Variants in ARHGEF18 observed in about 807,000 individuals in gnomAD.
The protein encoded by ARHGEF18 is rho guanine nucleotide exchange factor 18.
A neutral mutation model predicts 155.7 loss-of-function variants in ARHGEF18; 93 were observed. The ratio of observed to expected loss-of-function variants is 0.60; its 90% CI spans 0.50 to 0.71. ARHGEF18 has a LOEUF of 0.71. Among genes scored for constraint, ARHGEF18 ranks in the 30% least tolerant of loss-of-function variants. ARHGEF18 has a pLI of 0.00. For missense variants in ARHGEF18, 1,593 were observed against 1,816.1 expected (o/e 0.88, Z 2.23); for synonymous variants, 742 against 753.1 (o/e 0.99, Z 0.24).
chr19:7,396,852 G>C (rs1971740516), intron 10 of ARHGEF18, among the ~76,000 whole-genome samples: 1 of 152,100 alleles, frequency 6.6e-6, no homozygotes, highest in African/African-American at 2.4e-5. Flanking sequence ...ATAAGGGTTG[G>C]TTGGGGTTTC....
rs931455856 is a variant in ARHGEF18 at position 7,472,159 on chromosome 19, C to G, written c.*1861C>G. On this transcript the variant is annotated 3_prime_UTR_variant, in exon 29 of 29. Coordinates refer to ENST00000668164, the MANE Select transcript of ARHGEF18 (RefSeq NM_001367823.1). ...TTCAAGGAATTTCTGCTCGGCCACG[C>G]GGTGGGAACCCCGCGTCCCCGCCAT... 1 of 152,340 alleles carries G rather than the reference C, an allele frequency of 6.6e-6. No homozygotes were observed. Among genetic ancestry groups the G allele is most frequent in the Non-Finnish European group, 1.5e-5 (1 of 68,048 alleles). The allele number at this position is 152,340 out of a possible 1,614,324, so 9.4% of individuals were successfully genotyped here. A position where few individuals can be genotyped will look rare whatever the true frequency, so the allele number is the denominator to read the frequency against.
chr19:7,349,603 C>T (rs537869552), intron 1 of ARHGEF18, among the ~76,000 whole-genome samples: 93 of 152,030 alleles, frequency 6.1e-4, no homozygotes, highest in African/African-American at 2.2e-3. Flanking sequence ...CATGGTGAAA[C>T]CCCGTCTCTA....
intron 1 of ARHGEF18, among the ~76,000 whole-genome samples, chr19:7,356,455 G>T (rs1040485732): frequency 6.6e-6 from 1 of 151,644 alleles, no homozygotes; most frequent in Non-Finnish European, 1.5e-5. Context: ...TATATTTTTC[G>T]TAGAGACGGG....
At chr19:7,367,851 T>C (rs1480255790) in intron 2 of ARHGEF18, among the ~76,000 whole-genome samples, 2 of 74,438 alleles carry the variant, frequency 2.7e-5, no homozygotes, top group Admixed American at 1.8e-4. Context: ...TTTATATATA[T>C]ATATACACAT....
chr19:7,451,192 A>T lies in ARHGEF18; in HGVS notation c.1781A>T (p.Glu594Val). The change falls in exon 16 of 29, where the codon GAG becomes GTG. Residue 594 changes from glutamate (E) to valine (V), a missense_variant. Physicochemically the swap from Glu to Val is moderately radical, Grantham distance 121 (BLOSUM62 -2). Coordinates refer to ENST00000668164, the MANE Select transcript of ARHGEF18 (RefSeq NM_001367823.1). ...ATCGTGCGGCGGCTTGGCGTGCAGGAGTGCATTCTCCTGGTTACACAACGC... is the reference window on the plus strand; with the variant it reads ...ATCGTGCGGCGGCTTGGCGTGCAGGTGTGCATTCTCCTGGTTACACAACGC... ...FSIVRRLGVQ[E>V]CILLVTQRIT... 2 of 1,581,740 alleles carry T rather than the reference A, an allele frequency of 1.3e-6. No individual in the cohort carries two copies. Among genetic ancestry groups the T allele is most frequent in the Non-Finnish European group, 1.7e-6 (2 of 1,167,048 alleles).
chr19:7,461,228 C>T (rs1179520067), intron 20 of ARHGEF18, among the ~76,000 whole-genome samples: 3 of 148,214 alleles, frequency 2.0e-5, no homozygotes, highest in Non-Finnish European at 4.4e-5. Context: ...GCCTGGACAA[C>T]ATGGCAAAAC....
intron 10 of ARHGEF18, chr19:7,390,746 T>C (rs1299810138): frequency 2.0e-5 from 3 of 151,736 alleles, no homozygotes; most frequent in Admixed American, 6.6e-5. Flanking sequence ...AAAATAATAA[T>C]AAATCACAGA....
At chr19:7,407,083 A>G (rs1426086283) in intron 10 of ARHGEF18, among the ~76,000 whole-genome samples, 1 of 147,660 alleles carries the variant, frequency 6.8e-6, no homozygotes, top group Non-Finnish European at 1.5e-5. Flanking sequence ...AAAAAAAAAA[A>G]GGTTATAGCC....
chr19:7,408,934 C>A (rs1451618429), intron 10 of ARHGEF18, among the ~76,000 whole-genome samples: 7 of 152,064 alleles, frequency 4.6e-5, no homozygotes, highest in African/African-American at 1.7e-4. Flanking sequence ...GTAGTGTGCA[C>A]CTATAGTCCC....
chr19:7,451,259 C>T lies in ARHGEF18; in HGVS notation c.1848C>T (p.Asn616=), dbSNP rs755716903. ...TGCTGGTGGAGCGCATCATCCAGAA[C>T]ACGGAAGGTAGGCCTTCTCCCCACT... ...YPVLVERIIQ[N]TEAGTEDYED... The change falls in exon 16 of 29, where the codon AAC becomes AAT. Residue 616 remains asparagine, a synonymous_variant. Coordinates refer to ENST00000668164, the MANE Select transcript of ARHGEF18 (RefSeq NM_001367823.1). The T allele has an allele frequency of 5.6e-6, 9 of 1,613,446 alleles. No individual in the cohort carries two copies. The East Asian group carries it at 1.3e-4, about 24-fold the overall frequency.
intron 1 of ARHGEF18, among the ~76,000 whole-genome samples, chr19:7,362,073 G>C (rs1600183112): frequency 8.6e-4 from 20 of 23,154 alleles, no homozygotes; most frequent in African/African-American, 2.3e-3. Flanking sequence ...AGGAGAAGGA[G>C]AAGGAGAAGG....
At chr19:7,419,938 C>T (rs1361891059) in intron 10 of ARHGEF18, among the ~76,000 whole-genome samples, 2 of 151,708 alleles carry the variant, frequency 1.3e-5, no homozygotes, top group Non-Finnish European at 2.9e-5. Context: ...GCCTCTGTAC[C>T]CCAGGTGTAC....
chr19:7,464,552 G>A lies in ARHGEF18; in HGVS notation c.2774-8G>A. On this transcript the variant is annotated splice_polypyrimidine_tract_variant and splice_region_variant and intron_variant, in intron 22 of 28. Coordinates refer to ENST00000668164, the MANE Select transcript of ARHGEF18 (RefSeq NM_001367823.1). ...AGCATCCTCATGCCCCTGGCTTGGG[G>A]TTCTCAGATGGCAGTTTCAAGAAGA... The A allele has an allele frequency of 6.2e-7, 1 of 1,607,406 alleles. No individual in the cohort carries two copies. The highest frequency in any genetic ancestry group is 1.1e-5 in the South Asian group (1 of 90,862).
chr19:7,443,420 C>T (rs181651063), intron 13 of ARHGEF18, among the ~76,000 whole-genome samples: 5 of 152,150 alleles, frequency 3.3e-5, no homozygotes, highest in Non-Finnish European at 5.9e-5. Flanking sequence ...AGGCTAGTCT[C>T]GAACTCCTGA....
Position 7,472,159 on chromosome 19 carries a change from C to T in ARHGEF18, c.*1861C>T, listed in dbSNP as rs931455856. The T allele has an allele frequency of 3.3e-5, 5 of 152,340 alleles. No homozygotes were observed. The highest frequency in any genetic ancestry group is 9.6e-5 in the African/African-American group (4 of 41,476). The allele number at this position is 152,340 out of a possible 1,614,324, so 9.4% of individuals were successfully genotyped here. On this transcript the variant is annotated 3_prime_UTR_variant, in exon 29 of 29. Transcript: ENST00000668164. ...TTCAAGGAATTTCTGCTCGGCCACG[C>T]GGTGGGAACCCCGCGTCCCCGCCAT...
chr19:7,473,280 C>CA (rs1221066112), downstream of ARHGEF18: 4 of 454,986 alleles, frequency 8.8e-6, no homozygotes, highest in East Asian at 2.8e-4. Context: ...CTAGGAAGCG[C>CA]AAAAAGGGAA....
intron 10 of ARHGEF18, among the ~76,000 whole-genome samples, chr19:7,434,582 A>G (rs1974150084): frequency 6.6e-6 from 1 of 152,156 alleles, no homozygotes; most frequent in Non-Finnish European, 1.5e-5. Flanking sequence ...TTGCAGCTGC[A>G]CAGAAAGTGC....
At chr19:7,410,750 C>T (rs1007867238) in intron 10 of ARHGEF18, among the ~76,000 whole-genome samples, 3 of 130,530 alleles carry the variant, frequency 2.3e-5, no homozygotes, top group Non-Finnish European at 4.7e-5. Context: ...GCAGAGGTTG[C>T]AGTGATCTGA....
intron 10 of ARHGEF18, among the ~76,000 whole-genome samples, chr19:7,411,266 TC>T (rs1600342652): frequency 8.5e-6 from 1 of 118,058 alleles, no homozygotes; most frequent in African/African-American, 2.8e-5. Context: ...CCCTTCCCCT[TC>T]CCCTTCCCCT....
Sources: allele counts gnomAD v4.1 joint callset (sites outside exome capture counted in the v4.1 genomes callset), GRCh38; gene constraint gnomAD v4.1.1; transcripts MANE v1.5; gene names NCBI Gene and HGNC (gene_info 2026-07-23, HGNC 2026-07-21).